The following UGP2 variants were observed in gnomAD, a reference collection of about 807,000 sequenced individuals.
UGP2 encodes the protein UTP--glucose-1-phosphate uridylyltransferase.
UGP2 carries 40 observed loss-of-function variants against 49.0 expected under a neutral mutation model. The ratio of observed to expected loss-of-function variants is 0.82; its 90% CI spans 0.63 to 1.06. The LOEUF is 1.06. Among genes scored for constraint, UGP2 ranks in the 50% least tolerant of loss-of-function variants. The probability of loss-of-function intolerance (pLI) is 0.00; values close to 1 mark genes in which losing one functional copy is unlikely to be tolerated. For synonymous variants in UGP2, 225 were observed against 213.0 expected (o/e 1.06, Z -0.49); for missense variants, 460 against 603.5 (o/e 0.76, Z 2.49).
intron 9 of UGP2, among the ~76,000 whole-genome samples, chr2:63,890,736 CTG>C (rs1430844251): frequency 1.3e-5 from 2 of 152,122 alleles, no homozygotes; most frequent in Non-Finnish European, 2.9e-5. Context: ...TATCAGTAAA[CTG>C]TTATAAAAAC....
intron 1 of UGP2, among the ~76,000 whole-genome samples, chr2:63,855,114 T>A (rs762365254): frequency 1.3e-5 from 2 of 152,262 alleles, no homozygotes; most frequent in Non-Finnish European, 2.9e-5. Flanking sequence ...ACAGCTACTT[T>A]AGTTACTTCT....
At chr2:63,847,754 C>G (rs974614832) in intron 1 of UGP2, among the ~76,000 whole-genome samples, 1 of 152,136 alleles carries the variant, frequency 6.6e-6, no homozygotes, top group Admixed American at 6.5e-5. Flanking sequence ...AGGCAAGGAC[C>G]GGCCATTTAC....
chr2:63,887,282 T>C, intron 7 of UGP2, 120 bp from the exon 8 acceptor site: 1 of 1,441,766 alleles, frequency 6.9e-7, no homozygotes, highest in Non-Finnish European at 9.3e-7. Context: ...AAAAAAAATT[T>C]TTTTTTTTCC....
intron 3 of UGP2, among the ~76,000 whole-genome samples, chr2:63,879,726 A>G (rs923719425): frequency 1.3e-5 from 2 of 151,408 alleles, no homozygotes; most frequent in Non-Finnish European, 3.0e-5. Flanking sequence ...TATTCTTTCA[A>G]CTGTATATGT....
At chr2:63,881,684 A>G (rs973363398) in intron 3 of UGP2, among the ~76,000 whole-genome samples, 2 of 152,184 alleles carry the variant, frequency 1.3e-5, no homozygotes, top group African/African-American at 4.8e-5. Context: ...CCTTTCCTGT[A>G]AGGGAGAAGT....
intron 3 of UGP2, among the ~76,000 whole-genome samples, chr2:63,869,491 TG>T (rs1411713398): frequency 6.6e-6 from 1 of 152,222 alleles, no homozygotes; most frequent in Admixed American, 6.5e-5. Context: ...TTGTAGTAAT[TG>T]GTCATTGGAT....
Position 63,891,395 on chromosome 2 carries a change from G to A in UGP2, c.*168G>A. ...CTTTTAGTCTAAGAAAAGCACAGAT[G>A]GAGCAATACTTTCCTTCTTTGAAGA... is the stretch of plus-strand genomic sequence containing the variant. On this transcript the variant is annotated 3_prime_UTR_variant, in exon 10 of 10. Coordinates refer to ENST00000337130, the MANE Select transcript of UGP2 (RefSeq NM_006759.4). The A allele has an allele frequency of 2.2e-6, 1 of 447,022 alleles. No homozygotes were observed. Among genetic ancestry groups the A allele is most frequent in the Non-Finnish European group, 3.9e-6 (1 of 257,910 alleles). 27.7% of individuals were successfully genotyped at this position (447,022 alleles called of 1,614,324 possible).
intron 3 of UGP2, among the ~76,000 whole-genome samples, chr2:63,858,540 A>C (rs1464888108): frequency 6.6e-6 from 1 of 152,100 alleles, no homozygotes; most frequent in Non-Finnish European, 1.5e-5. Context: ...AAAAAAGCTA[A>C]AAAATAAAAA....
chr2:63,849,877 A>C (rs1216562258), intron 1 of UGP2, among the ~76,000 whole-genome samples: 2 of 152,222 alleles, frequency 1.3e-5, no homozygotes, highest in African/African-American at 4.8e-5. Flanking sequence ...AAGCCGTTCT[A>C]AGCATAAAAG....
chr2:63,874,425 A>G (rs1558952710), intron 3 of UGP2, among the ~76,000 whole-genome samples: 1 of 152,160 alleles, frequency 6.6e-6, no homozygotes, highest in Non-Finnish European at 1.5e-5. Flanking sequence ...TTAGCAGCCG[A>G]GTATGTTATA....
chr2:63,878,962 C>T (rs894869832), intron 3 of UGP2, among the ~76,000 whole-genome samples: 2 of 150,220 alleles, frequency 1.3e-5, no homozygotes, highest in Non-Finnish European at 2.9e-5. Flanking sequence ...AATTTTAAGG[C>T]AGCAAGGTTG....
intron 3 of UGP2, among the ~76,000 whole-genome samples, chr2:63,880,500 GA>G (rs1287062828): frequency 6.6e-6 from 1 of 152,108 alleles, no homozygotes; most frequent in Non-Finnish European, 1.5e-5. Flanking sequence ...TGCTGGGCTA[GA>G]AAAGATTATA....
chr2:63,852,824 G>C (rs1669128905), intron 1 of UGP2, among the ~76,000 whole-genome samples: 1 of 152,202 alleles, frequency 6.6e-6, no homozygotes, highest in Admixed American at 6.5e-5. Context: ...AACTGTGACT[G>C]TGAGGTATAA....
chr2:63,849,987 C>T (rs1451747328), intron 1 of UGP2, among the ~76,000 whole-genome samples: 1 of 152,164 alleles, frequency 6.6e-6, no homozygotes, highest in Non-Finnish European at 1.5e-5. Context: ...CTCTTCTTCT[C>T]AACAAAGGAG....
At chr2:63,865,532 ATTTTTTT>A (rs11418488) in intron 3 of UGP2, among the ~76,000 whole-genome samples, 1 of 128,260 alleles carries the variant, frequency 7.8e-6, no homozygotes, top group African/African-American at 3.0e-5. Context: ...GCTTGGGTCT[ATTTTTTT>A]TTTTTTTTTT....
At chr2:63,885,032 A>C (rs1303221322) in intron 5 of UGP2, among the ~76,000 whole-genome samples, 3 of 15,718 alleles carry the variant, frequency 1.9e-4, no homozygotes, top group Non-Finnish European at 3.9e-4. Context: ...TACTTTGCAG[A>C]TGTTTTGCCT....
At position 63,842,674 on chromosome 2, in the gene UGP2, G is replaced by A. The variant is rs930457827; in HGVS notation, c.19+470G>A. 3.7e-6 allele frequency: 5 copies of A among 1,339,258 alleles called. No individual in the cohort carries two copies. In the South Asian group the frequency reaches 5.4e-5, roughly 15 times the overall value. The allele number at this position is 1,339,258 out of a possible 1,614,324, so 83.0% of individuals were successfully genotyped here. A position where few individuals can be genotyped will look rare whatever the true frequency, so the allele number is the denominator to read the frequency against. On this transcript the variant is annotated intron_variant, in intron 1 of 9. Coordinates refer to ENST00000337130, the MANE Select transcript of UGP2 (RefSeq NM_006759.4). The stretch of plus-strand genomic sequence containing the variant: ...CTTCGTTTGTGTGTACGTGGTTTGC[G>A]TCTCAGATTCACTTATTGCGAAACT...
chr2:63,875,794 C>T (rs1164400964), intron 3 of UGP2, among the ~76,000 whole-genome samples: 1 of 152,192 alleles, frequency 6.6e-6, no homozygotes, highest in Non-Finnish European at 1.5e-5. Context: ...ATGGAGTTTC[C>T]CTCCTGTCTG....
chr2:63,873,201 C>T (rs1221860960), intron 3 of UGP2, among the ~76,000 whole-genome samples: 1 of 152,154 alleles, frequency 6.6e-6, no homozygotes, highest in Non-Finnish European at 1.5e-5. Context: ...TTAGGGTTTT[C>T]AGCACTTGTG....
Sources: allele counts gnomAD v4.1 joint callset (sites outside exome capture counted in the v4.1 genomes callset), GRCh38; gene constraint gnomAD v4.1.1; transcripts MANE v1.5; gene names NCBI Gene and HGNC (gene_info 2026-07-23, HGNC 2026-07-21).